The following CSMD1 variants were observed in gnomAD, a reference collection of about 807,000 sequenced individuals.
CSMD1 encodes CUB and Sushi multiple domains 1.
In CSMD1, 213 loss-of-function variants were observed where a neutral mutation model predicts 417.5. That is an observed-to-expected ratio of 0.51 (90% confidence interval 0.46 to 0.57). The LOEUF is 0.57. Ranked by LOEUF, CSMD1 falls within the 20% of genes least tolerant of loss-of-function variation. The pLI is 0.00. For synonymous variants in CSMD1, 2,862 were observed against 1,736.8 expected (o/e 1.65, Z -16.11); for missense variants, 6,923 against 4,529.7 (o/e 1.53, Z -15.17).
chr8:3,733,133 G>A (rs1298934228), intron 6 of CSMD1, among the ~76,000 whole-genome samples: 1 of 148,078 alleles, frequency 6.8e-6, no homozygotes, highest in Non-Finnish European at 1.5e-5. Flanking sequence ...AGTGAAAGAA[G>A]TTAGGAATTA....
intron 7 of CSMD1, among the ~76,000 whole-genome samples, chr8:3,666,312 T>C (rs563860898): frequency 6.6e-6 from 1 of 152,222 alleles, no homozygotes; most frequent in African/African-American, 2.4e-5. Flanking sequence ...ATGTGAAGAA[T>C]ATGCTTCAAA....
At chr8:4,126,225 T>A (rs1381808634) in intron 3 of CSMD1, among the ~76,000 whole-genome samples, 2 of 152,160 alleles carry the variant, frequency 1.3e-5, no homozygotes, top group Non-Finnish European at 2.9e-5. Flanking sequence ...GAGACTGATT[T>A]GAGTAATAAT....
intron 5 of CSMD1, among the ~76,000 whole-genome samples, chr8:3,903,677 T>C (rs1313003103): frequency 1.3e-5 from 2 of 152,162 alleles, no homozygotes; most frequent in East Asian, 3.9e-4. Flanking sequence ...CCTGGCTGTC[T>C]AATGATGTGA....
intron 3 of CSMD1, among the ~76,000 whole-genome samples, chr8:4,067,902 C>A (rs1470627804): frequency 6.6e-6 from 1 of 151,998 alleles, no homozygotes; most frequent in South Asian, 2.1e-4. Flanking sequence ...CATGATGAAA[C>A]CCCAACTCTA....
chr8:3,943,009 T>G (rs762038311), intron 5 of CSMD1, among the ~76,000 whole-genome samples: 4 of 152,138 alleles, frequency 2.6e-5, no homozygotes, highest in Non-Finnish European at 5.9e-5. Context: ...TCTAAATTAT[T>G]AAGTTTTATT....
intron 1 of CSMD1, among the ~76,000 whole-genome samples, chr8:4,747,017 G>A (rs1041691314): frequency 6.6e-6 from 1 of 152,174 alleles, no homozygotes; most frequent in Non-Finnish European, 1.5e-5. Context: ...AGGCGGTTCA[G>A]AGAAGCCACT....
At chr8:3,399,666 C>A in intron 15 of CSMD1, 137 bp from the exon 16 acceptor site, 2 of 625,230 alleles carry the variant, frequency 3.2e-6, no homozygotes, top group Admixed American at 3.7e-5. Context: ...ATCTTATTCC[C>A]AAGGAAACTG....
chr8:4,167,290 T>C (rs113689230), intron 3 of CSMD1, among the ~76,000 whole-genome samples: 1 of 152,290 alleles, frequency 6.6e-6, no homozygotes, highest in African/African-American at 2.4e-5. Flanking sequence ...AAAATTCGTG[T>C]CTATAACAGA....
intron 11 of CSMD1, among the ~76,000 whole-genome samples, chr8:3,487,452 C>T (rs1172695852): frequency 9.2e-5 from 14 of 152,188 alleles, no homozygotes; most frequent in Non-Finnish European, 1.9e-4. Flanking sequence ...CTGCCCGCCT[C>T]GGCCTCCCCA....
In CSMD1 at chr8:4,290,905, G is replaced by A. The variant is rs142926594; in HGVS notation, c.415+129048C>T. 2.3e-3 allele frequency among the ~76,000 whole-genome samples: 352 copies of A among 152,098 alleles called. 2 individuals carry two copies. The highest frequency in any genetic ancestry group is 7.6e-3 in the African/African-American group (316 of 41,514). On this transcript the variant is annotated intron_variant, in intron 3 of 69. Coordinates refer to ENST00000635120, the MANE Select transcript of CSMD1 (RefSeq NM_033225.6). Reference sequence around the variant, plus strand: ...TACAATGTCAGCTCTCTGTAATTCCGCCAGTTCACAACTTCAACTCAACTG... The same window carrying A: ...TACAATGTCAGCTCTCTGTAATTCCACCAGTTCACAACTTCAACTCAACTG...
chr8:4,082,057 G>A (rs982134872), intron 3 of CSMD1, among the ~76,000 whole-genome samples: 1 of 152,026 alleles, frequency 6.6e-6, no homozygotes, highest in Non-Finnish European at 1.5e-5. Context: ...AGGCATTTTA[G>A]GGGAAAGATT....
At chr8:3,837,225 G>C (rs951468802) in intron 5 of CSMD1, among the ~76,000 whole-genome samples, 1 of 152,068 alleles carries the variant, frequency 6.6e-6, no homozygotes, top group African/African-American at 2.4e-5. Flanking sequence ...TTCCAGAATA[G>C]ATGTGCATAG....
At chr8:4,210,353 C>A (rs924146309) in intron 3 of CSMD1, among the ~76,000 whole-genome samples, 2 of 152,140 alleles carry the variant, frequency 1.3e-5, no homozygotes, top group Non-Finnish European at 2.9e-5. Flanking sequence ...TTGTATGATA[C>A]CAACTTTGAG....
chr8:3,515,039 G>A (rs887844678), intron 10 of CSMD1, among the ~76,000 whole-genome samples: 1 of 151,938 alleles, frequency 6.6e-6, no homozygotes, highest in African/African-American at 2.4e-5. Flanking sequence ...ATAATCCATC[G>A]ACTATATTCG....
At chr8:3,630,028 A>G (rs1230752417) in intron 7 of CSMD1, among the ~76,000 whole-genome samples, 2 of 150,918 alleles carry the variant, frequency 1.3e-5, no homozygotes, top group African/African-American at 2.4e-5. Context: ...TGTAAAAAGA[A>G]AACATTTCAA....
chr8:4,341,710 C>T (rs1269360988), intron 3 of CSMD1, among the ~76,000 whole-genome samples: 2 of 152,062 alleles, frequency 1.3e-5, no homozygotes, highest in African/African-American at 4.8e-5. Context: ...TAAGATTAGT[C>T]AATATGTTTT....
chr8:4,638,040 T>A (rs923184369), intron 1 of CSMD1, among the ~76,000 whole-genome samples: 2 of 152,228 alleles, frequency 1.3e-5, no homozygotes, highest in African/African-American at 4.8e-5. Context: ...TCTGCAGTGC[T>A]GAAAGATAGA....
At chr8:3,389,371 G>C (rs901808672) in intron 17 of CSMD1, among the ~76,000 whole-genome samples, 3 of 152,084 alleles carry the variant, frequency 2.0e-5, no homozygotes, top group African/African-American at 7.2e-5. Context: ...TGCGGCGTTT[G>C]GTTGCCTGTT....
chr8:4,564,171 G>C (rs966866695), intron 2 of CSMD1, among the ~76,000 whole-genome samples: 1 of 152,164 alleles, frequency 6.6e-6, no homozygotes, highest in African/African-American at 2.4e-5. Context: ...TAATGGTCAA[G>C]TCATTGTTGA....
Sources: gnomAD v4.1 joint callset for allele counts (sites outside exome capture counted in the v4.1 genomes callset) on GRCh38, gnomAD v4.1.1 for gene constraint, MANE v1.5 for transcripts, NCBI Gene and HGNC (gene_info 2026-07-23, HGNC 2026-07-21) for gene names.